Variants in KCNN2 observed in about 807,000 individuals in gnomAD.
The protein encoded by KCNN2 is small conductance calcium-activated potassium channel protein 2.
In KCNN2, 24 loss-of-function variants were observed where a neutral mutation model predicts 55.5. The observed-to-expected ratio is 0.43, with a 90% CI of 0.31 to 0.61. KCNN2 has a LOEUF of 0.61. Ranked by LOEUF, KCNN2 falls within the 20% of genes least tolerant of loss-of-function variation. The pLI, the probability that KCNN2 is intolerant of heterozygous loss-of-function variation, is 0.08. For missense variants in KCNN2, 754 were observed against 853.6 expected (o/e 0.88, Z 1.45); for synonymous variants, 431 against 336.1 (o/e 1.28, Z -3.09).
chr5:114,280,466 T>C (rs1011269704), intron 2 of KCNN2, among the ~76,000 whole-genome samples: 1 of 152,216 alleles, frequency 6.6e-6, no homozygotes, highest in African/African-American at 2.4e-5. Flanking sequence ...CCATCTTGAA[T>C]TAATTTTTGT....
chr5:114,459,154 C>A (rs2150111421), intron 3 of KCNN2, among the ~76,000 whole-genome samples: 1 of 152,320 alleles, frequency 6.6e-6, no homozygotes, highest in East Asian at 1.9e-4. Context: ...CAGTTTGCTT[C>A]TTTTAAAACA....
At chr5:114,482,899 G>GT (rs1253475237) in intron 5 of KCNN2, among the ~76,000 whole-genome samples, 1 of 152,148 alleles carries the variant, frequency 6.6e-6, no homozygotes, top group African/African-American at 2.4e-5. Context: ...TAGGGGGAGT[G>GT]AGAGCATCAG....
At chr5:114,368,148 C>T (rs1053346608) in intron 2 of KCNN2, among the ~76,000 whole-genome samples, 3 of 151,968 alleles carry the variant, frequency 2.0e-5, no homozygotes, top group Non-Finnish European at 2.9e-5. Context: ...CTCATACAGA[C>T]GGTTGACTTT....
chr5:114,373,417 G>A (rs919131545), intron 2 of KCNN2, among the ~76,000 whole-genome samples: 13 of 151,278 alleles, frequency 8.6e-5, no homozygotes, highest in African/African-American at 1.2e-4. Flanking sequence ...TGTGATTTCT[G>A]ACAATTTTCT....
At chr5:114,334,018 T>G (rs912555183) in intron 2 of KCNN2, among the ~76,000 whole-genome samples, 1 of 152,206 alleles carries the variant, frequency 6.6e-6, no homozygotes, top group African/African-American at 2.4e-5. Context: ...CAATCAAGAT[T>G]TCTTCACATG....
At chr5:114,445,609 C>T (rs761050677) in intron 3 of KCNN2, among the ~76,000 whole-genome samples, 1 of 152,160 alleles carries the variant, frequency 6.6e-6, no homozygotes, top group African/African-American at 2.4e-5. Context: ...TGACATGCAT[C>T]AAAATACACA....
intron 2 of KCNN2, among the ~76,000 whole-genome samples, chr5:114,380,944 G>A (rs1758104342): frequency 6.6e-6 from 1 of 152,170 alleles, no homozygotes; most frequent in South Asian, 2.1e-4. Flanking sequence ...GAGCAGCCTC[G>A]TGAACAGACC....
At chr5:114,106,354 A>G (rs777815795) in intron 1 of KCNN2, among the ~76,000 whole-genome samples, 1 of 151,806 alleles carries the variant, frequency 6.6e-6, no homozygotes, top group Non-Finnish European at 1.5e-5. Flanking sequence ...TTGCTATGGT[A>G]TATATATCTA....
At chr5:114,199,200 T>C (rs1479373589) in intron 1 of KCNN2, among the ~76,000 whole-genome samples, 1 of 152,158 alleles carries the variant, frequency 6.6e-6, no homozygotes, top group African/African-American at 2.4e-5. Flanking sequence ...TTTACTATTT[T>C]TGACTTAAAG....
intron 1 of KCNN2, among the ~76,000 whole-genome samples, chr5:114,162,137 C>T (rs1157876887): frequency 6.6e-6 from 1 of 152,154 alleles, no homozygotes; most frequent in Non-Finnish European, 1.5e-5. Flanking sequence ...GTGGTTTTAT[C>T]TACCTTTGGT....
At chr5:114,063,391 G>C (rs1287657085) in intron 1 of KCNN2, among the ~76,000 whole-genome samples, 1 of 152,216 alleles carries the variant, frequency 6.6e-6, no homozygotes. Context: ...GACAGAGGAA[G>C]ATGAAAGCAT....
chr5:114,245,003 A>G (rs578097885), intron 2 of KCNN2, among the ~76,000 whole-genome samples: 60 of 152,368 alleles, frequency 3.9e-4, no homozygotes, highest in Non-Finnish European at 6.9e-4. Context: ...TACTCAGCAT[A>G]AAAGCCAAGA....
intron 1 of KCNN2, among the ~76,000 whole-genome samples, chr5:114,144,957 T>C (rs1168354057): frequency 1.3e-5 from 2 of 152,120 alleles, no homozygotes; most frequent in Admixed American, 1.3e-4. Flanking sequence ...GAAATAGTAG[T>C]GTAAATCAAT....
At chr5:114,168,739 T>G (rs2112540535) in intron 1 of KCNN2, among the ~76,000 whole-genome samples, 1 of 152,234 alleles carries the variant, frequency 6.6e-6, no homozygotes, top group African/African-American at 2.4e-5. Flanking sequence ...TTGCTGAAAT[T>G]ATGCCAAATA....
chr5:114,437,057 G>A (rs750830959), intron 3 of KCNN2, among the ~76,000 whole-genome samples: 14 of 151,942 alleles, frequency 9.2e-5, no homozygotes, highest in Non-Finnish European at 1.6e-4. Context: ...GTGTGTGTTT[G>A]TGTGTGTGTA....
At chr5:114,360,929 T>C (rs1469477513), upstream of KCNN2, 4 of 152,800 alleles carry the variant, frequency 2.6e-5, no homozygotes, top group Non-Finnish European at 4.4e-5. Flanking sequence ...GTCTTTGCTT[T>C]GTGTCTGCGC....
intron 2 of KCNN2, among the ~76,000 whole-genome samples, chr5:114,312,422 C>CAT (rs1756413633): frequency 2.0e-4 from 10 of 49,982 alleles, no homozygotes; most frequent in Non-Finnish European, 3.0e-4. Flanking sequence ...CACACACACA[C>CAT]ACACACACAC....
At chr5:114,088,677 TG>T (rs1751069879) in intron 1 of KCNN2, among the ~76,000 whole-genome samples, 1 of 152,196 alleles carries the variant, frequency 6.6e-6, no homozygotes, top group African/African-American at 2.4e-5. Context: ...TGGAGTGCAG[TG>T]GTATAGTCTC....
At position 114,449,908 on chromosome 5, in the gene KCNN2, A is replaced by ACACACACACACACACACACGCGCGCG. The variant is rs1309590184; in HGVS notation, c.1638-13140_1638-13139insACACACACACACACACACGCGCGCGC. Reference sequence around the variant, plus strand: ...CACACACACACACACACACACACACACGCGCGCGCTCGCGTGCGCGCACTC... The same window carrying ACACACACACACACACACACGCGCGCG: ...CACACACACACACACACACACACACACACACACACACACACACACGCGCGCGCGCGCGCGCTCGCGTGCGCGCACTC... On this transcript the variant is annotated intron_variant, in intron 3 of 7. Coordinates refer to ENST00000673685, the MANE Select transcript of KCNN2 (RefSeq NM_021614.4). Among the ~76,000 whole-genome samples, 258 of 66,114 alleles carry ACACACACACACACACACACGCGCGCG rather than the reference A, an allele frequency of 3.9e-3. 2 individuals are homozygous for ACACACACACACACACACACGCGCGCG. Among genetic ancestry groups the ACACACACACACACACACACGCGCGCG allele is most frequent in the East Asian group, 0.016 (5 of 322 alleles). 43.4% of individuals were successfully genotyped at this position (66,114 alleles called of 152,430 possible). A position where few individuals can be genotyped will look rare whatever the true frequency, so the allele number is the denominator to read the frequency against.
Sources: allele counts gnomAD v4.1 joint callset (sites outside exome capture counted in the v4.1 genomes callset), GRCh38; gene constraint gnomAD v4.1.1; transcripts MANE v1.5; gene names NCBI Gene and HGNC (gene_info 2026-07-23, HGNC 2026-07-21).